HMGCL: variants seen among roughly 807,000 people sequenced by gnomAD.
The protein encoded by HMGCL is hydroxymethylglutaryl-CoA lyase, mitochondrial.
HMGCL carries 26 observed loss-of-function variants against 37.3 expected under a neutral mutation model. That is an observed-to-expected ratio of 0.70 (90% CI 0.51 to 0.97). The LOEUF (loss-of-function observed/expected upper bound fraction) is 0.97, where lower values mean the gene tolerates loss of function less well. Ranked by LOEUF, HMGCL falls within the 50% of genes least tolerant of loss-of-function variation. HMGCL has a pLI of 0.00. For synonymous variants in HMGCL, 151 were observed against 148.0 expected (o/e 1.02, Z -0.15); for missense variants, 379 against 398.1 (o/e 0.95, Z 0.41).
intron 4 of HMGCL, chr1:23,816,357 G>T: frequency 2.6e-6 from 1 of 388,234 alleles, no homozygotes; most frequent in South Asian, 2.4e-5. Flanking sequence ...TTTCTCTAAA[G>T]AAGTGGATAA....
At chr1:23,815,786 C>G (rs569948213) in intron 4 of HMGCL, among the ~76,000 whole-genome samples, 1 of 151,766 alleles carries the variant, frequency 6.6e-6, no homozygotes, top group Non-Finnish European at 1.5e-5. Flanking sequence ...TGAGCCACCG[C>G]GCCCGGCCTG....
intron 7 of HMGCL, chr1:23,807,135 A>C (rs1638426002): frequency 1.9e-6 from 1 of 519,052 alleles, no homozygotes; most frequent in Non-Finnish European, 3.8e-6. Context: ...ATCAGGATGA[A>C]GTTTTGCCTC....
intron 1 of HMGCL, 70 bp downstream of exon 1, chr1:23,825,286 G>A: frequency 7.5e-7 from 1 of 1,328,104 alleles, no homozygotes; most frequent in South Asian, 1.3e-5. Context: ...CAGTCACCAC[G>A]GGCCAAGCCC....
At chr1:23,807,761 T>C (rs1484299787) in intron 7 of HMGCL, among the ~76,000 whole-genome samples, 1 of 152,212 alleles carries the variant, frequency 6.6e-6, no homozygotes, top group Non-Finnish European at 1.5e-5. Context: ...GGTGCAATTC[T>C]GCCTAGTCAT....
At chr1:23,819,084 C>A (rs1003225467) in intron 2 of HMGCL, among the ~76,000 whole-genome samples, 1 of 140,010 alleles carries the variant, frequency 7.1e-6, no homozygotes, top group Non-Finnish European at 1.5e-5. Flanking sequence ...ATATATGATT[C>A]TTTCAGAAAA....
Position 23,825,376 on chromosome 1 carries a change from C to G in HMGCL, c.40G>C (p.Gly14Arg), listed in dbSNP as rs764292245. ...MRKALPRRLV[G>R]LASLRAVSTS... ...CTTACAGCCCGGAGGGACGCCAAGC[C>G]CACCAGTCGCCGCGGAAGCGCCTTC... is the stretch of plus-strand genomic sequence containing the variant. The change falls in exon 1 of 9, where the codon GGC (glycine) becomes CGC (arginine). Residue 14 changes from glycine to arginine, a missense_variant. By Grantham distance (125) the Gly-to-Arg change is moderately radical. Transcript: ENST00000374490. The G allele has an allele frequency of 1.5e-5, 23 of 1,561,504 alleles. No homozygotes were observed. In the Admixed American group the frequency reaches 1.5e-4, roughly 10 times the overall value.
At position 23,820,703 on chromosome 1, in the gene HMGCL, A is replaced by G. The variant is rs1261718205; in HGVS notation, c.61-110T>C. ...CTTCACTAATAATGAGACAAGAAGA[A>G]ATATTTCTCACCATTTAATTCACAT... On this transcript the variant is annotated intron_variant, in intron 1 of 8. Transcript: ENST00000374490. The G allele has an allele frequency of 1.3e-5, 10 of 777,620 alleles. No individual in the cohort carries two copies. The East Asian group carries it at 2.2e-4, about 17-fold the overall frequency. 48.2% of individuals were successfully genotyped at this position (777,620 alleles called of 1,614,324 possible). A position where few individuals can be genotyped will look rare whatever the true frequency, so the allele number is the denominator to read the frequency against.
intron 7 of HMGCL, chr1:23,807,086 AACAGAGAAGC>A (rs758956851): frequency 7.7e-6 from 4 of 518,924 alleles, no homozygotes; most frequent in Non-Finnish European, 1.5e-5. Context: ...ACTGCCATGA[AACAGAGAAGC>A]ACAGAGGAGC....
In HMGCL at chr1:23,806,265, A is replaced by T. The variant is rs1321576922; in HGVS notation, c.751-1740T>A. 6.6e-6 allele frequency among the ~76,000 whole-genome samples: 1 copy of T among 152,106 alleles called. No individual in the cohort carries two copies. The highest frequency in any genetic ancestry group is 1.9e-4 in the East Asian group (1 of 5,192). ...ACTGTGCCCAGCCGAGGAGCCTCTC[A>T]AACGGAACATTTCAGATCATCTCCC... On this transcript the variant is annotated intron_variant, in intron 7 of 8. Coordinates refer to ENST00000374490, the MANE Select transcript of HMGCL (RefSeq NM_000191.3). This position sits in a 1 kb window ranked among gnomAD's most constrained non-coding sequence, Gnocchi z 4.0.
intron 2 of HMGCL, among the ~76,000 whole-genome samples, chr1:23,818,828 G>A (rs1638660482): frequency 1.3e-5 from 2 of 151,684 alleles, no homozygotes; most frequent in South Asian, 4.2e-4. Flanking sequence ...TTACAGGCAT[G>A]AGCCATCATG....
intron 8 of HMGCL, 36 bp from the exon 9 acceptor site, chr1:23,802,600 G>C: frequency 1.5e-6 from 2 of 1,317,060 alleles, no homozygotes; most frequent in Non-Finnish European, 1.1e-6. Context: ...GGTAAGTCAT[G>C]GTATGCCCTC....
chr1:23,817,584 C>G lies in HMGCL; in HGVS notation c.145-1G>C, dbSNP rs1299646067. The G allele has an allele frequency of 1.3e-6, 2 of 1,585,478 alleles. No homozygotes were observed. The highest frequency in any genetic ancestry group is 1.7e-6 in the Non-Finnish European group (2 of 1,154,366). On this transcript the variant is annotated splice_acceptor_variant, in intron 2 of 8. Coordinates refer to ENST00000374490, the MANE Select transcript of HMGCL (RefSeq NM_000191.3). LOFTEE classifies it high-confidence loss of function. Reference sequence around the variant, plus strand: ...TTTTCACTGGAGTAGATACGATATTCTATAGTGGAGAGAGAAACACCAAGG... The same window carrying G: ...TTTTCACTGGAGTAGATACGATATTGTATAGTGGAGAGAGAAACACCAAGG...
chr1:23,818,901 G>C (rs1014851824), intron 2 of HMGCL, among the ~76,000 whole-genome samples: 2 of 150,096 alleles, frequency 1.3e-5, no homozygotes, highest in African/African-American at 4.9e-5. Flanking sequence ...AGGTGCCGGG[G>C]ATATAGCAGT....
At chr1:23,812,776 C>A (rs541590298) in intron 5 of HMGCL, among the ~76,000 whole-genome samples, 2 of 152,278 alleles carry the variant, frequency 1.3e-5, no homozygotes, top group South Asian at 4.2e-4. Flanking sequence ...CAGAAAAGAG[C>A]CGGGACCAAA....
chr1:23,807,936 C>T (rs1021583130), intron 7 of HMGCL, among the ~76,000 whole-genome samples, 199 bp downstream of exon 7: 1 of 152,180 alleles, frequency 6.6e-6, no homozygotes, highest in African/African-American at 2.4e-5. Flanking sequence ...AGTGGGATTG[C>T]CATGTAACTC....
rs1328160786 is a variant in HMGCL at position 23,814,355 on chromosome 1, G to A, written c.349-17C>T. On this transcript the variant is annotated splice_polypyrimidine_tract_variant and intron_variant, in intron 4 of 8. Coordinates refer to ENST00000374490, the MANE Select transcript of HMGCL (RefSeq NM_000191.3). Reference sequence around the variant, plus strand: ...AGCAGCAACCTGCCAACATCCAGGTGAACTCCTTTCAGCACTTTTCTCTTT... The same window carrying A: ...AGCAGCAACCTGCCAACATCCAGGTAAACTCCTTTCAGCACTTTTCTCTTT... 1 of 1,612,374 alleles carries A rather than the reference G, an allele frequency of 6.2e-7. No individual in the cohort carries two copies. Among genetic ancestry groups the A allele is most frequent in the Non-Finnish European group, 8.5e-7 (1 of 1,179,818 alleles).
chr1:23,817,873 T>G (rs1435462743), intron 2 of HMGCL, among the ~76,000 whole-genome samples: 2 of 152,172 alleles, frequency 1.3e-5, no homozygotes, highest in Non-Finnish European at 2.9e-5. Flanking sequence ...CCCCAAAGTA[T>G]CACACCCTCC....
chr1:23,809,219 T>A, intron 6 of HMGCL: 1 of 70,690 alleles, frequency 1.4e-5, no homozygotes, highest in Non-Finnish European at 2.7e-5. Flanking sequence ...CAATAGTCCA[T>A]ATATATATAT....
chr1:23,822,232 C>T (rs1053334675), intron 1 of HMGCL, among the ~76,000 whole-genome samples: 2 of 151,972 alleles, frequency 1.3e-5, no homozygotes, highest in African/African-American at 2.4e-5. Context: ...GGGGTATGGG[C>T]GAGATGCAGG....
Sources: gnomAD v4.1 joint callset for allele counts (sites outside exome capture counted in the v4.1 genomes callset) on GRCh38, gnomAD v4.1.1 for gene constraint, Gnocchi (gnomAD v3.1) non-coding constraint, MANE v1.5 for transcripts, NCBI Gene and HGNC (gene_info 2026-07-23, HGNC 2026-07-21) for gene names.